Variants in MAD1L1 observed in about 807,000 individuals in gnomAD.
The protein encoded by MAD1L1 is mitotic spindle assembly checkpoint protein MAD1.
In MAD1L1, 95 loss-of-function variants were observed where a neutral mutation model predicts 96.9. That is an observed-to-expected ratio of 0.98 (90% CI 0.83 to 1.16). The LOEUF is 1.16. Among genes scored for constraint, MAD1L1 ranks in the 50% most tolerant of loss-of-function variants. The pLI, the probability that MAD1L1 is intolerant of heterozygous loss-of-function variation, is 0.00. For missense variants in MAD1L1, 1,007 were observed against 954.4 expected, an observed-to-expected ratio of 1.06 and a Z score of -0.73; for synonymous variants, 473 against 396.6, an observed-to-expected ratio of 1.19 and a Z score of -2.29.
intron 15 of MAD1L1, among the ~76,000 whole-genome samples, chr7:1,971,387 C>T (rs1224836568): frequency 6.6e-6 from 1 of 152,188 alleles, no homozygotes; most frequent in Non-Finnish European, 1.5e-5. Context: ...AGTTCACCTT[C>T]ATTCTCACTA....
intron 11 of MAD1L1, among the ~76,000 whole-genome samples, chr7:2,132,915 G>A (rs976808391): frequency 2.0e-5 from 3 of 152,192 alleles, no homozygotes; most frequent in Admixed American, 6.5e-5. Context: ...CCCTCATGAC[G>A]GCTCATGCTG....
intron 12 of MAD1L1, among the ~76,000 whole-genome samples, chr7:2,067,120 C>T (rs1198952164): frequency 6.6e-6 from 1 of 152,212 alleles, no homozygotes; most frequent in Non-Finnish European, 1.5e-5. Flanking sequence ...CTGGGCCCAA[C>T]AACAAGGTGC....
intron 16 of MAD1L1, among the ~76,000 whole-genome samples, chr7:1,950,131 C>G (rs1274562484): frequency 1.3e-5 from 2 of 152,204 alleles, no homozygotes. Context: ...CATGCCCATG[C>G]CTGCCCAGGC....
At chr7:2,213,670 A>G (rs1793105229) in intron 9 of MAD1L1, among the ~76,000 whole-genome samples, 1 of 152,162 alleles carries the variant, frequency 6.6e-6, no homozygotes, top group Non-Finnish European at 1.5e-5. Flanking sequence ...TCCTCAGGGA[A>G]CCAAGCCCTG....
chr7:2,111,767 C>G (rs1213761667), intron 11 of MAD1L1, among the ~76,000 whole-genome samples: 1 of 152,208 alleles, frequency 6.6e-6, no homozygotes, highest in Non-Finnish European at 1.5e-5. Flanking sequence ...CCAGCAGGAG[C>G]AGGCCTGTGC....
chr7:2,033,202 T>C (rs1308771332), intron 12 of MAD1L1, among the ~76,000 whole-genome samples: 1 of 152,208 alleles, frequency 6.6e-6, no homozygotes, highest in Non-Finnish European at 1.5e-5. Flanking sequence ...CATCCCATTC[T>C]CACAGAGACA....
chr7:2,225,597 T>C (rs1387112420), intron 3 of MAD1L1, 47 bp from the exon 4 acceptor site: 1 of 1,598,754 alleles, frequency 6.3e-7, no homozygotes. Flanking sequence ...AGTGACGGCA[T>C]CAAACCAGGT....
At chr7:2,161,304 C>T (rs1213932490) in intron 10 of MAD1L1, among the ~76,000 whole-genome samples, 1 of 151,892 alleles carries the variant, frequency 6.6e-6, no homozygotes, top group African/African-American at 2.4e-5. Flanking sequence ...GACGGGGTTT[C>T]GCTGTGCTGG....
At chr7:1,918,546 C>A (rs905075385) in intron 17 of MAD1L1, among the ~76,000 whole-genome samples, 7 of 152,220 alleles carry the variant, frequency 4.6e-5, no homozygotes, top group African/African-American at 1.7e-4. Flanking sequence ...TGCAGGCAGC[C>A]AGGCGGGTGT....
At chr7:2,115,969 G>A (rs894161330) in intron 11 of MAD1L1, among the ~76,000 whole-genome samples, 15 of 146,836 alleles carry the variant, frequency 1.0e-4, no homozygotes, top group East Asian at 5.9e-4. Flanking sequence ...CTGCGCTGCC[G>A]GAGACGGTGG....
chr7:1,923,858 C>T (rs1403598123), intron 17 of MAD1L1, among the ~76,000 whole-genome samples: 1 of 152,232 alleles, frequency 6.6e-6, no homozygotes, highest in African/African-American at 2.4e-5. Context: ...TGAGCTAGAC[C>T]ACACCAGGAC....
At chr7:2,055,371 G>A (rs889541036) in intron 12 of MAD1L1, among the ~76,000 whole-genome samples, 2 of 152,134 alleles carry the variant, frequency 1.3e-5, no homozygotes, top group East Asian at 1.9e-4. Context: ...CGTAGGGCAC[G>A]ATCCAGGCCT....
At chr7:2,023,518 A>C (rs1782873268) in intron 12 of MAD1L1, among the ~76,000 whole-genome samples, 1 of 152,252 alleles carries the variant, frequency 6.6e-6, no homozygotes, top group African/African-American at 2.4e-5. Flanking sequence ...TTGTAGGATG[A>C]AACAAAAGCC....
chr7:1,917,236 G>A (rs892014406), intron 17 of MAD1L1, among the ~76,000 whole-genome samples: 1 of 152,160 alleles, frequency 6.6e-6, no homozygotes, highest in Admixed American at 6.5e-5. Context: ...GGAGCCACCC[G>A]CCCTGCACTG....
intron 17 of MAD1L1, among the ~76,000 whole-genome samples, chr7:1,920,904 G>A (rs566042888): frequency 6.7e-6 from 1 of 148,378 alleles, no homozygotes; most frequent in Non-Finnish European, 1.5e-5. Flanking sequence ...AAAGATTCAC[G>A]GGACATCCGG....
intron 17 of MAD1L1, among the ~76,000 whole-genome samples, chr7:1,919,611 C>G (rs543645444): frequency 6.6e-6 from 1 of 152,242 alleles, no homozygotes; most frequent in African/African-American, 2.4e-5. Flanking sequence ...CAGCCGCCAT[C>G]GTCGCCATCA....
At chr7:1,980,622 AC>A in intron 14 of MAD1L1, 81 bp from the exon 15 acceptor site, 1 of 1,149,524 alleles carries the variant, frequency 8.7e-7, no homozygotes, top group Non-Finnish European at 1.3e-6. Context: ...GGCCCCTGAG[AC>A]CACCCCTGGC....
intron 12 of MAD1L1, among the ~76,000 whole-genome samples, chr7:2,060,254 G>A (rs1047830700): frequency 4.7e-5 from 7 of 150,086 alleles, no homozygotes; most frequent in Non-Finnish European, 4.4e-5. Flanking sequence ...GAGATACGCC[G>A]ATGCCGAGAT....
intron 10 of MAD1L1, among the ~76,000 whole-genome samples, chr7:2,159,066 C>A (rs541846607): frequency 6.6e-6 from 1 of 152,336 alleles, no homozygotes; most frequent in South Asian, 2.1e-4. Context: ...GAGGAAAGGT[C>A]ACTCTTACCC....
Sources: allele counts gnomAD v4.1 joint callset (sites outside exome capture counted in the v4.1 genomes callset), GRCh38; gene constraint gnomAD v4.1.1; transcripts MANE v1.5; gene names NCBI Gene and HGNC (gene_info 2026-07-23, HGNC 2026-07-21).